The following IFT140 variants were observed in gnomAD, a reference collection of about 807,000 sequenced individuals.
IFT140 encodes the protein intraflagellar transport 140, also known as intraflagellar transport protein 140 homolog.
A neutral mutation model predicts 164.6 loss-of-function variants in IFT140; 133 were observed. That is an observed-to-expected ratio of 0.81 (90% CI 0.70 to 0.93). The LOEUF (loss-of-function observed/expected upper bound fraction) is 0.93, where lower values mean the gene tolerates loss of function less well. Ranked by LOEUF, IFT140 falls within the 40% of genes least tolerant of loss-of-function variation. The pLI, the probability that IFT140 is intolerant of heterozygous loss-of-function variation, is 0.00. For synonymous variants in IFT140, 860 were observed against 817.3 expected (o/e 1.05, Z -0.89); for missense variants, 2,045 against 1,972.3 (o/e 1.04, Z -0.70).
Position 1,531,405 on chromosome 16 carries a change from CG to C in IFT140, c.2400-4610del, listed in dbSNP as rs1387269904. On this transcript the variant is annotated intron_variant, in intron 19 of 30. Coordinates refer to ENST00000426508, the MANE Select transcript of IFT140 (RefSeq NM_014714.4). This position sits in a 1 kb window ranked among gnomAD's most constrained non-coding sequence, Gnocchi z 4.7. The stretch of plus-strand genomic sequence containing the variant: ...GCTTGACGATCATGCTTGCCGAGGC[CG>C]CCCCCTCCCTCCGTGTCCCTGTTCT... 1.3e-5 allele frequency: 2 copies of C among 152,226 alleles called. No homozygotes were observed. Among genetic ancestry groups the C allele is most frequent in the Admixed American group, 6.5e-5 (1 of 15,288 alleles). The allele number at this position is 152,226 out of a possible 1,614,324, so 9.4% of individuals were successfully genotyped here. A position where few individuals can be genotyped will look rare whatever the true frequency, so the allele number is the denominator to read the frequency against.
intron 6 of IFT140, among the ~76,000 whole-genome samples, chr16:1,590,299 T>C (rs1193618246): frequency 1.3e-5 from 2 of 151,820 alleles, no homozygotes; most frequent in African/African-American, 4.8e-5. Flanking sequence ...TCAAGCTGTC[T>C]CTATGGATTC....
At chr16:1,523,435 G>A (rs1392772928) in intron 26 of IFT140, 83 bp downstream of exon 26, 47 of 1,440,878 alleles carry the variant, frequency 3.3e-5, no homozygotes, top group Non-Finnish European at 4.4e-5. Context: ...CAAGCAAGCA[G>A]CCATTCCCAC....
intron 17 of IFT140, among the ~76,000 whole-genome samples, chr16:1,563,093 T>C (rs1016098968): frequency 2.0e-5 from 3 of 151,946 alleles, no homozygotes; most frequent in Admixed American, 2.0e-4. Flanking sequence ...CGTCTCCATC[T>C]TCCCCGGGTG....
chr16:1,526,610 G>A lies in IFT140; in HGVS notation c.2577+9C>T, dbSNP rs764603088. ...CCTTCCCACCCACCCCATGGCGGGC[G>A]CCCCTCACCAGCATGCCCAGCTGCG... On this transcript the variant is annotated intron_variant, in intron 20 of 30. Transcript: ENST00000426508. 2.0e-5 allele frequency: 31 copies of A among 1,516,514 alleles called. No individual in the cohort carries two copies. Among genetic ancestry groups the A allele is most frequent in the Admixed American group, 4.3e-5 (2 of 46,742 alleles). 93.9% of individuals were successfully genotyped at this position (1,516,514 alleles called of 1,614,324 possible).
intron 19 of IFT140, among the ~76,000 whole-genome samples, chr16:1,549,190 G>T (rs894042263): frequency 6.6e-6 from 1 of 152,256 alleles, no homozygotes; most frequent in Non-Finnish European, 1.5e-5. Context: ...CTCTACCCTA[G>T]TTGTGCTCCA....
At chr16:1,547,438 C>T (rs751461449) in intron 19 of IFT140, among the ~76,000 whole-genome samples, 3 of 152,172 alleles carry the variant, frequency 2.0e-5, no homozygotes, top group East Asian at 1.9e-4. Context: ...GAATCTTGCT[C>T]GCTGGTGAGA....
At chr16:1,598,354 A>G (rs991261248) in intron 4 of IFT140, among the ~76,000 whole-genome samples, 2 of 152,028 alleles carry the variant, frequency 1.3e-5, no homozygotes, top group Admixed American at 1.3e-4. Flanking sequence ...GGTACTCGGG[A>G]GGCTGAGGCA....
Position 1,588,527 on chromosome 16 carries a change from A to AAATAATAATAATAATAATAATAATAAT in IFT140, c.811-504_811-503insATTATTATTATTATTATTATTATTATT, listed in dbSNP as rs56785842. ...GTGACAGAGCAAGACTCCGTCTCAA[A>AAATAATAATAATAATAATAATAATAAT]AATAATAATAATAATAATAATAGTA... is the stretch of plus-strand genomic sequence containing the variant. On this transcript the variant is annotated intron_variant, in intron 7 of 30. Coordinates refer to ENST00000426508, the MANE Select transcript of IFT140 (RefSeq NM_014714.4). 3.0e-3 allele frequency among the ~76,000 whole-genome samples: 441 copies of AAATAATAATAATAATAATAATAATAAT among 145,442 alleles called. 4 individuals carry two copies. Among genetic ancestry groups the AAATAATAATAATAATAATAATAATAAT allele is most frequent in the African/African-American group, 6.5e-3 (247 of 38,172 alleles).
chr16:1,608,791 C>G (rs561701271), intron 2 of IFT140, among the ~76,000 whole-genome samples: 1 of 152,120 alleles, frequency 6.6e-6, no homozygotes, highest in Non-Finnish European at 1.5e-5. Context: ...TCATGGCTCA[C>G]TGTAGCCTTG....
rs141471091 is a variant in IFT140, at chr16:1,523,925, A to G, written c.3173T>C (p.Leu1058Ser). Reference protein sequence around the residue: ...ENGLDDQLMNLALLSSPEDMI... With the variant: ...ENGLDDQLMNSALLSSPEDMI... The stretch of plus-strand genomic sequence containing the variant: ...GTCCTCGGGGGAGCTCAGCAGGGCC[A>G]AGTTCATGAGCTGGTCGTCCAGGCC... Residue 1058 changes from leucine to serine, a missense_variant, in exon 25 of 31, where the codon TTG becomes TCG. Physicochemically the swap from Leu to Ser is moderately radical, Grantham distance 145. Coordinates refer to ENST00000426508, the MANE Select transcript of IFT140 (RefSeq NM_014714.4). The G allele has an allele frequency of 3.7e-5, 59 of 1,613,092 alleles. No homozygotes were observed. The African/African-American group carries it at 7.5e-4, about 20-fold the overall frequency.
chr16:1,601,538 G>A (rs766270860), intron 4 of IFT140, among the ~76,000 whole-genome samples: 1 of 152,212 alleles, frequency 6.6e-6, no homozygotes, highest in Non-Finnish European at 1.5e-5. Context: ...AAATACTCAG[G>A]TAAAATACCC....
At chr16:1,585,652 G>A (rs1395526632) in intron 10 of IFT140, among the ~76,000 whole-genome samples, 2 of 151,884 alleles carry the variant, frequency 1.3e-5, no homozygotes, top group Non-Finnish European at 2.9e-5. Flanking sequence ...TCTCTTATCT[G>A]CAATTCTGAA....
chr16:1,526,085 A>G lies in IFT140; in HGVS notation c.2578-8T>C, dbSNP rs781483603. 3.2e-6 allele frequency: 5 copies of G among 1,575,998 alleles called. No homozygotes were observed. In the East Asian group the frequency reaches 1.2e-4, roughly 37 times the overall value. ...CAGCTGCTCGGCGTCCTCCTGAGGA[A>G]TGAGGATGGGCAGGTGTCGTGCAGC... On this transcript the variant is annotated splice_region_variant and splice_polypyrimidine_tract_variant and intron_variant, in intron 20 of 30. Transcript: ENST00000426508.
chr16:1,523,218 CAA>C (rs397855579), intron 26 of IFT140, among the ~76,000 whole-genome samples: 135 of 103,026 alleles, frequency 1.3e-3, no homozygotes, highest in Middle Eastern at 5.4e-3. Context: ...GACCCTGTCT[CAA>C]AAAAAAAAAA....
intron 6 of IFT140, among the ~76,000 whole-genome samples, chr16:1,590,128 G>C (rs1288863777): frequency 1.3e-5 from 2 of 150,008 alleles, no homozygotes; most frequent in Non-Finnish European, 2.9e-5. Flanking sequence ...TTGAACCCCG[G>C]AGGTGGAGGT....
At chr16:1,575,974 G>T (rs779050150) in intron 13 of IFT140, among the ~76,000 whole-genome samples, 2 of 152,158 alleles carry the variant, frequency 1.3e-5, no homozygotes, top group African/African-American at 4.8e-5. Context: ...CCACTTACAT[G>T]AACTTCTTTT....
Position 1,592,321 on chromosome 16 carries a change from G to A in IFT140, c.492-3C>T. 2 of 1,614,116 alleles carry A rather than the reference G, an allele frequency of 1.2e-6. No homozygotes were observed. The highest frequency in any genetic ancestry group is 1.7e-6 in the Non-Finnish European group (2 of 1,180,002). On this transcript the variant is annotated splice_region_variant and splice_polypyrimidine_tract_variant and intron_variant, in intron 5 of 30. Transcript: ENST00000426508. The stretch of plus-strand genomic sequence containing the variant: ...CCTTTGCCAACTGAACCAGGTCCCT[G>A]AAAGCAAACACGACACGAAGCAAGA...
In IFT140 at chr16:1,564,983, G is replaced by C. The variant is rs755092733; in HGVS notation, c.1902-821C>G. Among the ~76,000 whole-genome samples the C allele has an allele frequency of 2.9e-4, 44 of 152,192 alleles. No homozygotes were observed. The highest frequency in any genetic ancestry group is 6.0e-4 in the Non-Finnish European group (41 of 68,034). On this transcript the variant is annotated intron_variant, in intron 16 of 30. Coordinates refer to ENST00000426508, the MANE Select transcript of IFT140 (RefSeq NM_014714.4). The surrounding 1 kb of genome is among the most constrained non-coding windows in gnomAD (Gnocchi z 5.5). ...CATGCTCCAGACAAGGCGGCTCTGA[G>C]GCCCAGAGAGCCCGGGGACACAAGC...
At position 1,525,976 on chromosome 16, in the gene IFT140, C is replaced by A. The variant is rs761522130; in HGVS notation, c.2679G>T (p.Glu893Asp). The change falls in exon 21 of 31, where the codon GAG becomes GAT. Residue 893 changes from glutamate to aspartate, a missense_variant. Coordinates refer to ENST00000426508, the MANE Select transcript of IFT140 (RefSeq NM_014714.4). ...GRWQEALQVA[E>D]HHDRVHLRST... ...TGCGCAGGTGCACGCGATCGTGGTGCTCGGCTACCTGGAGGGCCTCCTGCC... is the reference window on the plus strand; with the variant it reads ...TGCGCAGGTGCACGCGATCGTGGTGATCGGCTACCTGGAGGGCCTCCTGCC... 1.3e-6 allele frequency: 2 copies of A among 1,591,746 alleles called. No individual in the cohort carries two copies.
Sources: allele counts gnomAD v4.1 joint callset (sites outside exome capture counted in the v4.1 genomes callset), GRCh38; gene constraint gnomAD v4.1.1; non-coding constraint Gnocchi (gnomAD v3.1); transcripts MANE v1.5; gene names NCBI Gene and HGNC (gene_info 2026-07-23, HGNC 2026-07-21).